ZC3HC1: variants seen among roughly 807,000 people sequenced by gnomAD.
The protein encoded by ZC3HC1 is zinc finger C3HC-type protein 1.
ZC3HC1 carries 38 observed loss-of-function variants against 61.9 expected under a neutral mutation model. That is an observed-to-expected ratio of 0.61 (90% CI 0.47 to 0.81). The LOEUF is 0.81. ZC3HC1 is among the 30% of genes least tolerant of loss of function. The probability of loss-of-function intolerance (pLI) is 0.00; values close to 1 mark genes in which losing one functional copy is unlikely to be tolerated. For synonymous variants in ZC3HC1, 213 were observed against 229.9 expected (o/e 0.93, Z 0.67); for missense variants, 554 against 622.7 (o/e 0.89, Z 1.17).
intron 4 of ZC3HC1, among the ~76,000 whole-genome samples, chr7:130,037,936 T>A (rs1794488628): frequency 6.6e-6 from 1 of 152,222 alleles, no homozygotes; most frequent in South Asian, 2.1e-4. Flanking sequence ...TCAGCAGGAA[T>A]ATGCCTATGT....
intron 4 of ZC3HC1, among the ~76,000 whole-genome samples, chr7:130,030,793 CGA>C: frequency 6.6e-6 from 1 of 151,670 alleles, no homozygotes; most frequent in Non-Finnish European, 1.5e-5. Flanking sequence ...CTCAGCCTCC[CGA>C]GTAGCTGGGA....
rs1037570791 is a variant in ZC3HC1, at chr7:130,018,673, G to A, written c.1500C>T (p.Cys500=). 1 of 1,610,742 alleles carries A rather than the reference G, an allele frequency of 6.2e-7. No homozygotes were observed. Among genetic ancestry groups the A allele is most frequent in the African/African-American group, 1.3e-5 (1 of 74,986 alleles). ...AGGCGCTGGAGTATCTTCAGCATGA[G>A]CACAGAGATTCCCACTGCCGAAATA... is the stretch of plus-strand genomic sequence containing the variant. The part of the protein sequence containing the change: ...FRIFRQWESL[C]SC The change falls in exon 10 of 10, where the codon TGC becomes TGT. Residue 500 remains cysteine (C), a synonymous_variant. Transcript: ENST00000358303.
rs6467278 is a variant in ZC3HC1, at chr7:130,027,943, C to T, written c.621+959G>A. ...CAGCACTTTGGGAGGCCGAGGTGGG[C>T]GGATCACGAGGTCAGGAGATCTAGA... On this transcript the variant is annotated intron_variant, in intron 5 of 9. Coordinates refer to ENST00000358303, the MANE Select transcript of ZC3HC1 (RefSeq NM_016478.5). 1.0e-2 allele frequency among the ~76,000 whole-genome samples: 1,461 copies of T among 146,466 alleles called. 14 individuals are homozygous for T. Among genetic ancestry groups the T allele is most frequent in the African/African-American group, 0.034 (1,353 of 39,908 alleles).
chr7:130,039,813 G>A (rs1049779290), intron 3 of ZC3HC1, among the ~76,000 whole-genome samples: 1 of 151,816 alleles, frequency 6.6e-6, no homozygotes, highest in African/African-American at 2.4e-5. Context: ...TGAGTGTAGT[G>A]GTGCAATCTC....
intron 2 of ZC3HC1, chr7:130,043,692 C>T: frequency 2.9e-6 from 1 of 340,740 alleles, no homozygotes; most frequent in African/African-American, 2.2e-5. Flanking sequence ...ATGTCAGAGC[C>T]AGGAGGCTGC....
chr7:130,028,449 G>A (rs1794023499), intron 5 of ZC3HC1, among the ~76,000 whole-genome samples: 1 of 152,098 alleles, frequency 6.6e-6, no homozygotes, highest in African/African-American at 2.4e-5. Context: ...GGCTGAGGCA[G>A]GAGAATTGCG....
intron 9 of ZC3HC1, among the ~76,000 whole-genome samples, chr7:130,019,833 T>TG (rs1793557607): frequency 6.7e-6 from 1 of 148,684 alleles, no homozygotes; most frequent in Non-Finnish European, 1.5e-5. Context: ...TTTTTTTTTT[T>TG]TTGAGACAGG....
chr7:130,020,434 G>C (rs1016662673), intron 9 of ZC3HC1, among the ~76,000 whole-genome samples: 9 of 151,710 alleles, frequency 5.9e-5, no homozygotes, highest in African/African-American at 1.5e-4. Context: ...GCTAATTTTT[G>C]TATTTTCAGT....
chr7:130,026,033 T>A (rs1793890857), intron 6 of ZC3HC1, 125 bp downstream of exon 6: 3 of 1,187,430 alleles, frequency 2.5e-6, no homozygotes, highest in Non-Finnish European at 3.5e-6. Context: ...CCCCACCCAG[T>A]TTTTCTTTGT....
At chr7:130,019,856 G>A (rs1022341000) in intron 9 of ZC3HC1, among the ~76,000 whole-genome samples, 1 of 126,744 alleles carries the variant, frequency 7.9e-6, no homozygotes, top group Non-Finnish European at 1.6e-5. Flanking sequence ...TCGCTCTGTC[G>A]CCAGGCTGGA....
chr7:130,039,630 T>C lies in ZC3HC1; in HGVS notation c.410-83A>G, dbSNP rs1794569185. Reference sequence around the variant, plus strand: ...TGAATGGCCTCTAAGAGCAGAGATTTAACTAAAAATAAGAGAATTTTAAAA... The same window carrying C: ...TGAATGGCCTCTAAGAGCAGAGATTCAACTAAAAATAAGAGAATTTTAAAA... On this transcript the variant is annotated intron_variant, in intron 3 of 9. Coordinates refer to ENST00000358303, the MANE Select transcript of ZC3HC1 (RefSeq NM_016478.5). The C allele has an allele frequency of 1.8e-5, 16 of 897,082 alleles. No individual in the cohort carries two copies. The South Asian group carries it at 2.7e-4, about 15-fold the overall frequency. 55.6% of individuals were successfully genotyped at this position (897,082 alleles called of 1,614,324 possible). A position where few individuals can be genotyped will look rare whatever the true frequency, so the allele number is the denominator to read the frequency against.
rs1471917400 is a variant in ZC3HC1 at position 130,024,456 on chromosome 7, A to G, written c.827T>C (p.Met276Thr). 4 of 1,614,072 alleles carry G rather than the reference A, an allele frequency of 2.5e-6. No homozygotes were observed. The South Asian group carries it at 3.3e-5, about 13-fold the overall frequency. The change falls in exon 7 of 10, where the codon ATG (methionine) becomes ACG (threonine). Residue 276 changes from methionine to threonine, a missense_variant. Met to Thr is a moderately conservative substitution (Grantham distance 81). Coordinates refer to ENST00000358303, the MANE Select transcript of ZC3HC1 (RefSeq NM_016478.5). ...GAAGCCCCAGAGCCCCACCTTCCTC[A>G]TACATTGCGAACATGTTATCAGGGA... ...QLSLITCSQC[M>T]RKVGLWGFQQ...
chr7:130,049,457 C>T (rs1274308951), intron 1 of ZC3HC1, among the ~76,000 whole-genome samples: 2 of 152,144 alleles, frequency 1.3e-5, no homozygotes, highest in African/African-American at 2.4e-5. Flanking sequence ...TCACTGTTCT[C>T]CACAAGTATT....
At chr7:130,040,182 TAAAAAAAAAAAAAAAAAA>T (rs34814353) in intron 3 of ZC3HC1, among the ~76,000 whole-genome samples, 13 of 35,358 alleles carry the variant, frequency 3.7e-4, no homozygotes, top group African/African-American at 1.4e-3. Context: ...TAGCTTAGTT[TAAAAAAAAAAAAAAAAAA>T]AAAAAAAAAA....
chr7:130,050,594 G>C, intron 1 of ZC3HC1: 3 of 1,061,454 alleles, frequency 2.8e-6, no homozygotes, highest in Middle Eastern at 5.4e-4. Flanking sequence ...TATGAATGAA[G>C]GTAAAAACAC....
intron 1 of ZC3HC1, among the ~76,000 whole-genome samples, chr7:130,049,597 T>G (rs1305591404): frequency 6.6e-6 from 1 of 151,576 alleles, no homozygotes; most frequent in Non-Finnish European, 1.5e-5. Flanking sequence ...CAGGCTGGAG[T>G]GCAACGGTGC....
At chr7:130,050,628 C>G in intron 1 of ZC3HC1, 1 of 749,516 alleles carries the variant, frequency 1.3e-6, no homozygotes, top group East Asian at 3.1e-5. Flanking sequence ...GCAGTACCTG[C>G]TAATTTGTCA....
In ZC3HC1 at chr7:130,051,327, C is replaced by T. The variant is rs150600534; in HGVS notation, c.40G>A (p.Val14Ile). 9.9e-5 allele frequency: 159 copies of T among 1,613,356 alleles called. No individual in the cohort carries two copies. The highest frequency in any genetic ancestry group is 8.5e-4 in the African/African-American group (64 of 75,000). Residue 14 changes from valine (V) to isoleucine (I), a missense_variant, in exon 1 of 10, where the codon GTT (valine) becomes ATT (isoleucine). Coordinates refer to ENST00000358303, the MANE Select transcript of ZC3HC1 (RefSeq NM_016478.5). ...PCEGQAFAVG[V>I]EKNWGAVVRS... The stretch of plus-strand genomic sequence containing the variant: ...ACTACTGCACCCCAATTCTTTTCAA[C>T]CCCTACGGCAAACGCTTGTCCCTCA...
chr7:130,030,736 C>T (rs1196188642), intron 4 of ZC3HC1, among the ~76,000 whole-genome samples: 2 of 150,694 alleles, frequency 1.3e-5, no homozygotes, highest in African/African-American at 2.4e-5. Context: ...GGCGTGATCT[C>T]GGCTCACTGC....
Sources: gnomAD v4.1 joint callset for allele counts (sites outside exome capture counted in the v4.1 genomes callset) on GRCh38, gnomAD v4.1.1 for gene constraint, MANE v1.5 for transcripts, NCBI Gene and HGNC (gene_info 2026-07-23, HGNC 2026-07-21) for gene names.